Variants in GALNT13 observed in about 807,000 individuals in gnomAD.
GALNT13 encodes UDP-GalNAc:polypeptide N-acetylgalactosaminyltransferase 13.
GALNT13 carries 28 observed loss-of-function variants against 64.2 expected under a neutral mutation model. The ratio of observed to expected loss-of-function variants is 0.44; its 90% CI spans 0.32 to 0.60. GALNT13 has a LOEUF of 0.60. Ranked by LOEUF, GALNT13 falls within the 20% of genes least tolerant of loss-of-function variation. GALNT13 has a pLI of 0.05. For missense variants in GALNT13, 577 were observed against 669.8 expected, an observed-to-expected ratio of 0.86 and a Z score of 1.53; for synonymous variants, 214 against 224.6, an observed-to-expected ratio of 0.95 and a Z score of 0.42.
the GALNT13 span, among the ~76,000 whole-genome samples, chr2:153,176,292 T>C: frequency 5.7e-3 from 864 of 152,226 alleles, 10 homozygotes; most frequent in African/African-American, 0.02. Context: ...TGGGGGGATA[T>C]GCTGTGAGGT....
intron 9 of GALNT13, among the ~76,000 whole-genome samples, chr2:154,320,952 G>T (rs1227784338): frequency 6.6e-6 from 1 of 152,098 alleles, no homozygotes. Flanking sequence ...TTGATATTCA[G>T]ATTTTTTATT....
the GALNT13 span, among the ~76,000 whole-genome samples, chr2:153,113,271 C>G: frequency 6.6e-6 from 1 of 151,994 alleles, no homozygotes; most frequent in South Asian, 2.1e-4. Context: ...TCCATCTAGG[C>G]AGGAGGACAG....
the GALNT13 span, among the ~76,000 whole-genome samples, chr2:153,452,829 CA>C: frequency 2.0e-5 from 3 of 152,026 alleles, no homozygotes; most frequent in African/African-American, 7.2e-5. Context: ...CAATCCTAAG[CA>C]AAAACAACAA....
chr2:153,793,013 C>T, the GALNT13 span, among the ~76,000 whole-genome samples: 1 of 147,116 alleles, frequency 6.8e-6, no homozygotes, highest in Non-Finnish European at 1.5e-5. Flanking sequence ...ACTCTGTTGC[C>T]CAGGCTGGAG....
the GALNT13 span, among the ~76,000 whole-genome samples, chr2:153,634,613 C>G: frequency 6.7e-6 from 1 of 148,378 alleles, no homozygotes; most frequent in Non-Finnish European, 1.5e-5. Flanking sequence ...TGCAGTGGCC[C>G]GATCTCAGCT....
At chr2:154,302,644 T>A (rs1693508207) in intron 9 of GALNT13, among the ~76,000 whole-genome samples, 1 of 151,996 alleles carries the variant, frequency 6.6e-6, no homozygotes, top group Admixed American at 6.6e-5. Flanking sequence ...CCCAAGATGG[T>A]TGGGTTATAG....
At chr2:153,338,558 T>C in the GALNT13 span, among the ~76,000 whole-genome samples, 1 of 152,276 alleles carries the variant, frequency 6.6e-6, no homozygotes, top group Non-Finnish European at 1.5e-5. Flanking sequence ...AAACAGACAT[T>C]GTGGAATAGC....
the GALNT13 span, among the ~76,000 whole-genome samples, chr2:153,257,142 T>C: frequency 1.3e-5 from 2 of 152,206 alleles, no homozygotes; most frequent in Admixed American, 6.5e-5. Flanking sequence ...AGGTGCCGGA[T>C]ATAATCTTGT....
intron 3 of GALNT13, among the ~76,000 whole-genome samples, chr2:154,004,881 C>A (rs969604761): frequency 6.6e-6 from 1 of 152,124 alleles, no homozygotes; most frequent in Non-Finnish European, 1.5e-5. Flanking sequence ...GTGATATCAG[C>A]ATTTTACATA....
chr2:153,993,695 C>CAAA lies in GALNT13; in HGVS notation c.142+49072_142+49074dup, dbSNP rs5835495. Among the ~76,000 whole-genome samples the CAAA allele has an allele frequency of 4.5e-3, 467 of 104,880 alleles. 10 individuals carry two copies. The highest frequency in any genetic ancestry group is 0.01 in the Middle Eastern group (2 of 194). The allele number at this position is 104,880 out of a possible 152,430, so 68.8% of individuals were successfully genotyped here. A position where few individuals can be genotyped will look rare whatever the true frequency, so the allele number is the denominator to read the frequency against. ...TGGGCGACAGAGCAAGACTCCATCTCAAAAAAAAAAAAAAAAAAGATAAAT... is the reference window on the plus strand; with the variant it reads ...TGGGCGACAGAGCAAGACTCCATCTCAAAAAAAAAAAAAAAAAAAAAGATAAAT... On this transcript the variant is annotated intron_variant, in intron 3 of 12. Coordinates refer to ENST00000392825, the MANE Select transcript of GALNT13 (RefSeq NM_052917.4).
intron 4 of GALNT13, among the ~76,000 whole-genome samples, chr2:154,211,220 G>A (rs935738751): frequency 4.6e-5 from 7 of 152,084 alleles, no homozygotes; most frequent in African/African-American, 1.7e-4. Flanking sequence ...AGGCTATATG[G>A]TATAGCCTAT....
At chr2:153,159,966 T>G in the GALNT13 span, among the ~76,000 whole-genome samples, 11 of 152,216 alleles carry the variant, frequency 7.2e-5, no homozygotes, top group Non-Finnish European at 1.5e-4. Flanking sequence ...CACTTTTAAA[T>G]AAGTAGTTTG....
intron 1 of GALNT13, among the ~76,000 whole-genome samples, chr2:153,888,264 G>A (rs1687319276): frequency 6.6e-6 from 1 of 151,834 alleles, no homozygotes; most frequent in East Asian, 1.9e-4. Context: ...AAATGTACAA[G>A]GACTAAGTTT....
chr2:154,140,452 G>A lies in GALNT13; in HGVS notation c.258G>A (p.Met86Ile), dbSNP rs763515678. 6.2e-7 allele frequency: 1 copy of A among 1,612,708 alleles called. No individual in the cohort carries two copies. The highest frequency in any genetic ancestry group is 8.5e-7 in the Non-Finnish European group (1 of 1,178,980). ...TTAAAATCAATCAGTTTAACCTTATGGCCAGTGATTTGATTGCCCTTAATA... is the reference window on the plus strand; with the variant it reads ...TTAAAATCAATCAGTTTAACCTTATAGCCAGTGATTTGATTGCCCTTAATA... ...ELFKINQFNL[M>I]ASDLIALNRS... Residue 86 changes from methionine (M) to isoleucine (I), a missense_variant, in exon 4 of 13, where the codon ATG (methionine) becomes ATA (isoleucine). Physicochemically the swap from Met to Ile is conservative, Grantham distance 10. Transcript: ENST00000392825.
At chr2:154,141,220 G>A (rs1163836669) in intron 4 of GALNT13, among the ~76,000 whole-genome samples, 6 of 152,048 alleles carry the variant, frequency 3.9e-5, no homozygotes, top group South Asian at 2.1e-4. Flanking sequence ...ATTACTGTAC[G>A]CTACTTGTAG....
At chr2:154,443,227 A>G (rs1299761982) in intron 12 of GALNT13, among the ~76,000 whole-genome samples, 2 of 152,080 alleles carry the variant, frequency 1.3e-5, no homozygotes, top group Non-Finnish European at 2.9e-5. Flanking sequence ...TATTAGAAGT[A>G]GTGAGTAGGA....
At chr2:153,194,772 G>T in the GALNT13 span, among the ~76,000 whole-genome samples, 13 of 152,254 alleles carry the variant, frequency 8.5e-5, no homozygotes, top group African/African-American at 3.1e-4. Flanking sequence ...AATGTTGGTC[G>T]TGTAGGGGAG....
At chr2:153,085,025 G>C in the GALNT13 span, among the ~76,000 whole-genome samples, 2 of 152,192 alleles carry the variant, frequency 1.3e-5, no homozygotes, top group Non-Finnish European at 2.9e-5. Flanking sequence ...TTAAGTCCAG[G>C]CTGAGGTGGT....
the GALNT13 span, among the ~76,000 whole-genome samples, chr2:153,358,815 T>C: frequency 3.3e-5 from 5 of 152,130 alleles, no homozygotes; most frequent in Non-Finnish European, 5.9e-5. Context: ...AATAAATCAC[T>C]CCTCCCGATT....
Sources: gnomAD v4.1 joint callset for allele counts (sites outside exome capture counted in the v4.1 genomes callset) on GRCh38, gnomAD v4.1.1 for gene constraint, MANE v1.5 for transcripts, NCBI Gene and HGNC (gene_info 2026-07-23, HGNC 2026-07-21) for gene names.